CRKL: variants seen among roughly 807,000 people sequenced by gnomAD.
CRKL encodes CRK like proto-oncogene, adaptor protein, also known as crk-like protein.
CRKL carries 3 observed loss-of-function variants against 23.0 expected under a neutral mutation model. The observed-to-expected ratio is 0.13, with a 90% CI of 0.06 to 0.34. The LOEUF (loss-of-function observed/expected upper bound fraction) is 0.34, where lower values mean the gene tolerates loss of function less well. Among genes scored for constraint, CRKL ranks in the 10% least tolerant of loss-of-function variants. The pLI is 1.00. For synonymous variants in CRKL, 188 were observed against 160.7 expected (o/e 1.17, Z -1.28); for missense variants, 256 against 394.5 (o/e 0.65, Z 2.97).
intron 1 of CRKL, among the ~76,000 whole-genome samples, chr22:20,923,362 C>T (rs1262414350): frequency 6.6e-6 from 1 of 151,604 alleles, no homozygotes; most frequent in Non-Finnish European, 1.5e-5. Context: ...CTGCAAGCTC[C>T]GCCTCCTGGG....
intron 1 of CRKL, among the ~76,000 whole-genome samples, chr22:20,919,213 G>T (rs1929799325): frequency 1.3e-5 from 2 of 152,100 alleles, no homozygotes; most frequent in South Asian, 4.1e-4. Flanking sequence ...TTTATAGTAC[G>T]TTAATTACAA....
intron 2 of CRKL, among the ~76,000 whole-genome samples, chr22:20,944,390 GGTT>G: frequency 6.6e-6 from 1 of 151,622 alleles, no homozygotes; most frequent in Non-Finnish European, 1.5e-5. Flanking sequence ...GTTTCACCAT[GGTT>G]AAATTATTCT....
At chr22:20,945,492 A>G (rs1040353900) in intron 2 of CRKL, among the ~76,000 whole-genome samples, 2 of 151,924 alleles carry the variant, frequency 1.3e-5, no homozygotes, top group South Asian at 2.1e-4. Flanking sequence ...CCCGCCCCCT[A>G]CCTTTCCCAA....
intron 2 of CRKL, among the ~76,000 whole-genome samples, chr22:20,945,653 T>C (rs531652964): frequency 1.7e-4 from 26 of 152,338 alleles, no homozygotes; most frequent in African/African-American, 6.0e-4. Flanking sequence ...TGAGATTACT[T>C]GACTGCTAGC....
chr22:20,946,986 T>C lies in CRKL; in HGVS notation c.778-2725T>C, dbSNP rs1051686994. ...CCAGGATATCTTTACTGTGTTGAGA[T>C]AGAAAACAGCATGAAGAATGATGAT... is the stretch of plus-strand genomic sequence containing the variant. On this transcript the variant is annotated intron_variant, in intron 2 of 2. Coordinates refer to ENST00000354336, the MANE Select transcript of CRKL (RefSeq NM_005207.4). 6.6e-5 allele frequency among the ~76,000 whole-genome samples: 10 copies of C among 152,268 alleles called. No homozygotes were observed. In the South Asian group the frequency reaches 1.7e-3, roughly 25 times the overall value.
In CRKL at chr22:20,930,718, GTC is replaced by G. The variant is rs370312949; in HGVS notation, c.312-3059_312-3058del. Among the ~76,000 whole-genome samples, 32 of 102,010 alleles carry G rather than the reference GTC, an allele frequency of 3.1e-4. 1 individual carries two copies. The highest frequency in any genetic ancestry group is 1.2e-3 in the African/African-American group (32 of 25,862). 66.9% of individuals were successfully genotyped at this position (102,010 alleles called of 152,430 possible). A position where few individuals can be genotyped will look rare whatever the true frequency, so the allele number is the denominator to read the frequency against. On this transcript the variant is annotated intron_variant, in intron 1 of 2. Coordinates refer to ENST00000354336, the MANE Select transcript of CRKL (RefSeq NM_005207.4). ...TTTTTTTTTTTTTTTTTGAGATAGA[GTC>G]TTAACTGTTTCAGGCAGTGACGTGA...
At chr22:20,931,831 A>T (rs1290674161) in intron 1 of CRKL, among the ~76,000 whole-genome samples, 5 of 151,878 alleles carry the variant, frequency 3.3e-5, no homozygotes, top group Non-Finnish European at 5.9e-5. Flanking sequence ...TATTTTTTTG[A>T]GACGGAGTCT....
intron 1 of CRKL, among the ~76,000 whole-genome samples, chr22:20,927,658 C>T (rs1465292008): frequency 1.3e-5 from 2 of 149,884 alleles, no homozygotes; most frequent in Admixed American, 6.7e-5. Context: ...GCCTGGCCAA[C>T]GTGGTGAAAC....
At position 20,950,328 on chromosome 22, in the gene CRKL, CT is replaced by C. The variant is rs60913011; in HGVS notation, c.*493del. Reference sequence around the variant, plus strand: ...TCTGTTCTAAAACTCCAAAATCTGGCTTTTTTTTTTCTTTTGTTTTGGTTTG... The same window carrying C: ...TCTGTTCTAAAACTCCAAAATCTGGCTTTTTTTTTCTTTTGTTTTGGTTTG... On this transcript the variant is annotated 3_prime_UTR_variant, in exon 3 of 3. Transcript: ENST00000354336. The C allele has an allele frequency of 2.9e-4, 62 of 217,422 alleles. No homozygotes were observed. Among genetic ancestry groups the C allele is most frequent in the African/African-American group, 1.3e-3 (58 of 44,268 alleles). The allele number at this position is 217,422 out of a possible 1,614,324, so 13.5% of individuals were successfully genotyped here. A position where few individuals can be genotyped will look rare whatever the true frequency, so the allele number is the denominator to read the frequency against.
At chr22:20,941,804 G>C (rs1475422559) in intron 2 of CRKL, among the ~76,000 whole-genome samples, 1 of 151,098 alleles carries the variant, frequency 6.6e-6, no homozygotes, top group East Asian at 1.9e-4. Context: ...ACCTTGGCTA[G>C]GCTGCTCTTG....
chr22:20,918,165 A>G lies in CRKL; in HGVS notation c.231A>G (p.Glu77=), dbSNP rs1261121640. The change falls in exon 1 of 3, where the codon GAA becomes GAG. Residue 77 remains glutamate, a synonymous_variant. Coordinates refer to ENST00000354336, the MANE Select transcript of CRKL (RefSeq NM_005207.4). ...PNRRFKIGDQ[E]FDHLPALLEF... Reference sequence around the variant, plus strand: ...GCCGTTTTAAGATCGGGGACCAGGAATTTGACCATTTGCCGGCCCTGCTGG... The same window carrying G: ...GCCGTTTTAAGATCGGGGACCAGGAGTTTGACCATTTGCCGGCCCTGCTGG... The G allele has an allele frequency of 1.2e-6, 2 of 1,613,966 alleles. No individual in the cohort carries two copies. The highest frequency in any genetic ancestry group is 1.7e-6 in the Non-Finnish European group (2 of 1,180,022).
At position 20,949,899 on chromosome 22, in the gene CRKL, T is replaced by C. The variant is rs1569139285; in HGVS notation, c.*54T>C. On this transcript the variant is annotated 3_prime_UTR_variant, in exon 3 of 3. Transcript: ENST00000354336. ...GTTGTTCTGCCTGTCCTAGTCTCCT[T>C]TGAAGTGGGAAAGCATTTTCTCTCA... 1 of 1,556,014 alleles carries C rather than the reference T, an allele frequency of 6.4e-7. No individual in the cohort carries two copies. The highest frequency in any genetic ancestry group is 8.7e-7 in the Non-Finnish European group (1 of 1,155,850).
intron 1 of CRKL, among the ~76,000 whole-genome samples, chr22:20,931,761 TTACTCTTGCTCCTAC>T (rs1469791277): frequency 6.6e-6 from 1 of 152,188 alleles, no homozygotes; most frequent in East Asian, 1.9e-4. Flanking sequence ...CTCTTTATTA[TTACTCTTGCTCCTAC>T]TACTCTTGCT....
intron 2 of CRKL, among the ~76,000 whole-genome samples, chr22:20,942,117 A>C (rs1385488211): frequency 6.6e-6 from 1 of 152,242 alleles, no homozygotes; most frequent in Non-Finnish European, 1.5e-5. Context: ...CCAACTATCT[A>C]CCTTCTGTCT....
At position 20,917,999 on chromosome 22, in the gene CRKL, A is replaced by G. The variant is rs1929753187; in HGVS notation, c.65A>G (p.Gln22Arg). 2 of 1,614,024 alleles carry G rather than the reference A, an allele frequency of 1.2e-6. No homozygotes were observed. The highest frequency in any genetic ancestry group is 8.5e-7 in the Non-Finnish European group (1 of 1,180,020). Reference sequence around the variant, plus strand: ...TGGTATATGGGGCCGGTGTCTCGCCAGGAGGCGCAGACCCGGCTCCAGGGC... The same window carrying G: ...TGGTATATGGGGCCGGTGTCTCGCCGGGAGGCGCAGACCCGGCTCCAGGGC... ...SAWYMGPVSR[Q>R]EAQTRLQGQR... is the part of the protein sequence containing the mutation. The change falls in exon 1 of 3, where the codon CAG becomes CGG. Residue 22 changes from glutamine to arginine, a missense_variant. Physicochemically the swap from Gln to Arg is conservative, Grantham distance 43. Coordinates refer to ENST00000354336, the MANE Select transcript of CRKL (RefSeq NM_005207.4).
rs780913665 is a variant in CRKL at position 20,918,153 on chromosome 22, C to T, written c.219C>T (p.Ile73=). The T allele has an allele frequency of 5.6e-6, 9 of 1,614,044 alleles. No individual in the cohort carries two copies. In the African/African-American group the frequency reaches 9.3e-5, roughly 17 times the overall value. Residue 73 remains isoleucine, a synonymous_variant, in exon 1 of 3, where the codon ATC becomes ATT. Transcript: ENST00000354336. ...CGCTGCCCAACCGCCGTTTTAAGAT[C>T]GGGGACCAGGAATTTGACCATTTGC... ...INSLPNRRFK[I]GDQEFDHLPA...
At position 20,933,914 on chromosome 22, in the gene CRKL, C is replaced by T. The variant is rs2147904908; in HGVS notation, c.447C>T (p.Ile149=). ...AEDLPFKKGE[I]LVIIEKPEEQ... is the part of the protein sequence containing the mutation. ...ACCTGCCCTTTAAAAAGGGTGAGAT[C>T]CTAGTGATAATAGAGAAGCCTGAAG... The change falls in exon 2 of 3, where the codon ATC becomes ATT. Residue 149 remains isoleucine, a synonymous_variant. Transcript: ENST00000354336. 1 of 1,614,100 alleles carries T rather than the reference C, an allele frequency of 6.2e-7. No individual in the cohort carries two copies. Among genetic ancestry groups the T allele is most frequent in the Non-Finnish European group, 8.5e-7 (1 of 1,180,030 alleles).
intron 2 of CRKL, among the ~76,000 whole-genome samples, chr22:20,948,345 G>C (rs189124319): frequency 0.014 from 2,191 of 152,132 alleles, 17 homozygotes; most frequent in Non-Finnish European, 0.023. Flanking sequence ...TTGGTGACAA[G>C]GTTGGAAATC....
chr22:20,934,372 C>T (rs573412377), intron 2 of CRKL, 128 bp downstream of exon 2: 62 of 838,654 alleles, frequency 7.4e-5, no homozygotes, highest in Middle Eastern at 3.1e-4. Flanking sequence ...TTGGAAGATA[C>T]GCACTGTTAG....
Sources: allele counts gnomAD v4.1 joint callset (sites outside exome capture counted in the v4.1 genomes callset), GRCh38; gene constraint gnomAD v4.1.1; transcripts MANE v1.5; gene names NCBI Gene and HGNC (gene_info 2026-07-23, HGNC 2026-07-21).